The following MSRA variants were observed in gnomAD, a reference collection of about 807,000 sequenced individuals.
The protein encoded by MSRA is methionine sulfoxide reductase A, also known as mitochondrial peptide methionine sulfoxide reductase.
A neutral mutation model predicts 31.3 loss-of-function variants in MSRA; 54 were observed. The observed-to-expected ratio is 1.73, with a 90% CI of 1.39 to 2.17. The LOEUF is 2.17. Among genes scored for constraint, MSRA ranks in the 30% most tolerant of loss-of-function variants. The probability of loss-of-function intolerance (pLI) is 0.00; values close to 1 mark genes in which losing one functional copy is unlikely to be tolerated. For synonymous variants in MSRA, 169 were observed against 116.5 expected (o/e 1.45, Z -2.90); for missense variants, 507 against 300.9 (o/e 1.69, Z -5.07).
chr8:10,302,001 A>G (rs577760008), intron 4 of MSRA, among the ~76,000 whole-genome samples: 2 of 152,192 alleles, frequency 1.3e-5, no homozygotes, highest in African/African-American at 2.4e-5. Context: ...TTCCTGATTT[A>G]TGGTTTCTTT....
At chr8:10,384,950 C>A (rs556066316) in intron 5 of MSRA, among the ~76,000 whole-genome samples, 1 of 151,930 alleles carries the variant, frequency 6.6e-6, no homozygotes, top group African/African-American at 2.4e-5. Context: ...TACAGTAAGC[C>A]GTGATTGGGC....
intron 1 of MSRA, among the ~76,000 whole-genome samples, chr8:10,173,021 C>G (rs2628131): frequency 1.3e-5 from 2 of 152,140 alleles, no homozygotes; most frequent in African/African-American, 4.8e-5. Context: ...GAAGAATATT[C>G]TAGGTGGAGA....
chr8:10,217,334 C>G (rs1039783774), intron 2 of MSRA, among the ~76,000 whole-genome samples: 1 of 152,188 alleles, frequency 6.6e-6, no homozygotes, highest in Non-Finnish European at 1.5e-5. Flanking sequence ...TCTTTGGGCT[C>G]GTGACCCTCT....
chr8:10,115,440 G>C (rs1415647251), intron 1 of MSRA, among the ~76,000 whole-genome samples: 1 of 152,182 alleles, frequency 6.6e-6, no homozygotes, highest in African/African-American at 2.4e-5. Flanking sequence ...TCCTTTCCTA[G>C]CACCTTCAGA....
chr8:10,238,605 A>G (rs1812147067), intron 2 of MSRA, among the ~76,000 whole-genome samples: 1 of 152,204 alleles, frequency 6.6e-6, no homozygotes, highest in South Asian at 2.1e-4. Context: ...AAGCCCAGAA[A>G]CGGGACTACT....
chr8:10,427,960 G>A (rs1298518445), intron 5 of MSRA, among the ~76,000 whole-genome samples, 188 bp from the exon 6 acceptor site: 2 of 152,206 alleles, frequency 1.3e-5, no homozygotes, highest in African/African-American at 4.8e-5. Flanking sequence ...AGTCAACTGA[G>A]GCACAGCAAG....
chr8:10,273,154 TTTTG>T (rs1329813273), intron 3 of MSRA, among the ~76,000 whole-genome samples: 1 of 152,210 alleles, frequency 6.6e-6, no homozygotes, highest in African/African-American at 2.4e-5. Context: ...ACTATTTGAA[TTTTG>T]TTTTAGTCTA....
intron 3 of MSRA, among the ~76,000 whole-genome samples, chr8:10,248,091 A>C (rs980471258): frequency 9.2e-5 from 14 of 152,196 alleles, no homozygotes; most frequent in African/African-American, 3.4e-4. Flanking sequence ...AAAATAAACA[A>C]ACAAACAAAC....
At chr8:10,165,217 C>A (rs1454407253) in intron 1 of MSRA, among the ~76,000 whole-genome samples, 1 of 152,122 alleles carries the variant, frequency 6.6e-6, no homozygotes, top group Non-Finnish European at 1.5e-5. Context: ...GAGCTGCTGG[C>A]TTCTAATTAG....
chr8:10,283,893 A>G (rs1373941118), intron 3 of MSRA, among the ~76,000 whole-genome samples: 1 of 144,078 alleles, frequency 6.9e-6, no homozygotes, highest in East Asian at 2.1e-4. Flanking sequence ...TTCTTTATCT[A>G]CTCATTGATT....
intron 1 of MSRA, among the ~76,000 whole-genome samples, chr8:10,101,105 G>A (rs1259284331): frequency 6.6e-6 from 1 of 152,144 alleles, no homozygotes; most frequent in Non-Finnish European, 1.5e-5. Flanking sequence ...ACCGTCTTGG[G>A]TTAGAGATAA....
At chr8:10,108,356 C>A (rs1048007913) in intron 1 of MSRA, among the ~76,000 whole-genome samples, 1 of 152,142 alleles carries the variant, frequency 6.6e-6, no homozygotes, top group Non-Finnish European at 1.5e-5. Flanking sequence ...TGGGAGGTAC[C>A]ACCCTAGTGG....
chr8:10,392,680 CTTT>C (rs55916396), intron 5 of MSRA, among the ~76,000 whole-genome samples: 11 of 143,364 alleles, frequency 7.7e-5, no homozygotes, highest in Admixed American at 6.9e-5. Context: ...CCTCTCGGCC[CTTT>C]TTTTTTTTTT....
chr8:10,329,022 A>G (rs1345551979), intron 5 of MSRA, among the ~76,000 whole-genome samples: 1 of 152,030 alleles, frequency 6.6e-6, no homozygotes, highest in Non-Finnish European at 1.5e-5. Flanking sequence ...TATCCTGCAA[A>G]CTCTCTTGAC....
At chr8:10,155,031 C>T (rs1455068537) in intron 1 of MSRA, among the ~76,000 whole-genome samples, 4 of 116,842 alleles carry the variant, frequency 3.4e-5, no homozygotes, top group Admixed American at 1.7e-4. Context: ...ACCTTGCATT[C>T]GCATTTTAAG....
intron 3 of MSRA, among the ~76,000 whole-genome samples, chr8:10,277,236 C>T (rs1016356951): frequency 1.3e-5 from 2 of 152,150 alleles, no homozygotes; most frequent in African/African-American, 4.8e-5. Flanking sequence ...TTTCTCCTTA[C>T]AATAATTTAG....
intron 1 of MSRA, among the ~76,000 whole-genome samples, chr8:10,075,058 T>G (rs954058424): frequency 1.3e-5 from 2 of 152,266 alleles, no homozygotes; most frequent in Admixed American, 6.5e-5. Context: ...TTATTTTCTT[T>G]ACTACTCATT....
intron 3 of MSRA, among the ~76,000 whole-genome samples, chr8:10,300,769 C>G (rs1312869604): frequency 1.3e-5 from 2 of 152,028 alleles, no homozygotes; most frequent in African/African-American, 4.8e-5. Flanking sequence ...ATGGAGGGAT[C>G]TCTTATTTGC....
intron 1 of MSRA, among the ~76,000 whole-genome samples, chr8:10,074,821 G>T (rs1797924468): frequency 6.6e-6 from 1 of 152,042 alleles, no homozygotes; most frequent in Non-Finnish European, 1.5e-5. Flanking sequence ...ACCATGCCTG[G>T]CTAATTTTTA....
Sources: allele counts gnomAD v4.1 joint callset (sites outside exome capture counted in the v4.1 genomes callset), GRCh38; gene constraint gnomAD v4.1.1; transcripts MANE v1.5; gene names NCBI Gene and HGNC (gene_info 2026-07-23, HGNC 2026-07-21).